The following NELL1 variants were observed in gnomAD, a reference collection of about 807,000 sequenced individuals.
The protein encoded by NELL1 is protein kinase C-binding protein NELL1.
Under a neutral mutation model 107.4 loss-of-function variants are expected in NELL1, and 76 were observed. The ratio of observed to expected loss-of-function variants is 0.71; its 90% CI spans 0.59 to 0.86. NELL1 has a LOEUF of 0.86. NELL1 is among the 40% of genes least tolerant of loss of function. NELL1 has a pLI of 0.00. For synonymous variants in NELL1, 353 were observed against 341.2 expected, an observed-to-expected ratio of 1.03 and a Z score of -0.38; for missense variants, 1,024 against 1,005.5, an observed-to-expected ratio of 1.02 and a Z score of -0.25.
chr11:20,971,858 A>C (rs528493500), intron 12 of NELL1, among the ~76,000 whole-genome samples: 1 of 152,344 alleles, frequency 6.6e-6, no homozygotes, highest in African/African-American at 2.4e-5. Flanking sequence ...TAAAAGAATG[A>C]GAGCATGTCC....
At chr11:21,211,912 G>C (rs1287097979) in intron 13 of NELL1, among the ~76,000 whole-genome samples, 2 of 152,040 alleles carry the variant, frequency 1.3e-5, no homozygotes, top group Admixed American at 1.3e-4. Flanking sequence ...TACAACCTCT[G>C]CCTCCTGGGT....
intron 12 of NELL1, among the ~76,000 whole-genome samples, chr11:20,972,022 C>T (rs4922693): frequency 0.31 from 41,108 of 132,960 alleles, 6,371 homozygotes; most frequent in East Asian, 0.54. Context: ...CTGGGGCCTG[C>T]TGGGGAGCGG....
intron 12 of NELL1, among the ~76,000 whole-genome samples, chr11:20,989,602 GA>G (rs1416786425): frequency 6.6e-6 from 1 of 152,154 alleles, no homozygotes; most frequent in African/African-American, 2.4e-5. Context: ...TATAAAGCAT[GA>G]AGCAGTTTTA....
At chr11:20,964,062 C>T (rs1851342605) in intron 12 of NELL1, among the ~76,000 whole-genome samples, 1 of 152,200 alleles carries the variant, frequency 6.6e-6, no homozygotes, top group Non-Finnish European at 1.5e-5. Flanking sequence ...ATACAATTCA[C>T]AGGAGGCTGT....
intron 2 of NELL1, among the ~76,000 whole-genome samples, chr11:20,712,857 C>G (rs927706941): frequency 6.6e-6 from 1 of 152,188 alleles, no homozygotes; most frequent in East Asian, 1.9e-4. Context: ...CTGTGGATAC[C>G]AGCACCTGCT....
intron 12 of NELL1, among the ~76,000 whole-genome samples, chr11:21,045,542 A>G (rs1349190984): frequency 1.3e-5 from 2 of 152,218 alleles, no homozygotes; most frequent in African/African-American, 4.8e-5. Context: ...CTGTATTAGC[A>G]TAATAGTTTA....
Position 20,770,076 on chromosome 11 carries a change from A to G in NELL1, c.185-13604A>G, listed in dbSNP as rs142535920. On this transcript the variant is annotated intron_variant, in intron 2 of 19. Coordinates refer to ENST00000357134, the MANE Select transcript of NELL1 (RefSeq NM_006157.5). The stretch of plus-strand genomic sequence containing the variant: ...ACACGCAAGAACCAAATTATTTGCA[A>G]CAATGATCAAAGACCAATTTTCCCC... Among the ~76,000 whole-genome samples, 209 of 152,320 alleles carry G rather than the reference A, an allele frequency of 1.4e-3. 1 individual carries two copies. The highest frequency in any genetic ancestry group is 4.7e-3 in the African/African-American group (196 of 41,568).
intron 15 of NELL1, among the ~76,000 whole-genome samples, chr11:21,431,352 A>T (rs1245846777): frequency 6.6e-6 from 1 of 152,072 alleles, no homozygotes; most frequent in African/African-American, 2.4e-5. Context: ...ATTTATTGTC[A>T]TTATTGTATA....
At chr11:21,030,194 A>G (rs1265563849) in intron 12 of NELL1, among the ~76,000 whole-genome samples, 8 of 152,198 alleles carry the variant, frequency 5.3e-5, no homozygotes. Context: ...CTTGTATGAG[A>G]AAATTGTTAC....
At chr11:21,018,276 T>C (rs1565017396) in intron 12 of NELL1, among the ~76,000 whole-genome samples, 1 of 152,122 alleles carries the variant, frequency 6.6e-6, no homozygotes, top group East Asian at 1.9e-4. Flanking sequence ...GAATGAATGA[T>C]CAAACACTTT....
chr11:21,033,480 A>G (rs958782625), intron 12 of NELL1, among the ~76,000 whole-genome samples: 5 of 152,100 alleles, frequency 3.3e-5, no homozygotes, highest in Admixed American at 3.3e-4. Flanking sequence ...AAATGAAAAC[A>G]TGTGGTATTT....
chr11:21,491,454 A>T (rs1407774517), intron 15 of NELL1, among the ~76,000 whole-genome samples: 1 of 152,106 alleles, frequency 6.6e-6, no homozygotes, highest in Non-Finnish European at 1.5e-5. Context: ...TTAAATAGGG[A>T]ATCCTTTCCC....
chr11:21,240,766 TGG>T (rs150046714), intron 14 of NELL1, among the ~76,000 whole-genome samples: 5 of 62,238 alleles, frequency 8.0e-5, no homozygotes, highest in Admixed American at 1.8e-4. Context: ...GCCTTTCTAG[TGG>T]GGGGGGGGAG....
chr11:21,107,956 C>G (rs1255917473), intron 12 of NELL1, among the ~76,000 whole-genome samples: 1 of 152,146 alleles, frequency 6.6e-6, no homozygotes, highest in Non-Finnish European at 1.5e-5. Context: ...CAACTATCCT[C>G]TTTGGAGTCA....
At chr11:20,755,556 G>GTTTTTTTTTTTTTTTTT (rs1188989442) in intron 2 of NELL1, among the ~76,000 whole-genome samples, 3 of 23,368 alleles carry the variant, frequency 1.3e-4, no homozygotes, top group African/African-American at 2.5e-4. Context: ...TTTTGTTTTT[G>GTTTTTTTTTTTTTTTTT]TTTTTGTTTT....
chr11:21,157,391 A>G (rs931312500), intron 13 of NELL1, among the ~76,000 whole-genome samples: 1 of 152,298 alleles, frequency 6.6e-6, no homozygotes, highest in African/African-American at 2.4e-5. Flanking sequence ...GCATATTACA[A>G]CAAGCATTGT....
At chr11:21,184,470 A>G (rs1856891777) in intron 13 of NELL1, among the ~76,000 whole-genome samples, 2 of 151,746 alleles carry the variant, frequency 1.3e-5, no homozygotes, top group African/African-American at 4.9e-5. Flanking sequence ...GGGTTTCGCA[A>G]TGTTGGCCAG....
chr11:20,865,340 C>T (rs986540123), intron 4 of NELL1, among the ~76,000 whole-genome samples: 9 of 152,298 alleles, frequency 5.9e-5, no homozygotes, highest in Admixed American at 5.9e-4. Flanking sequence ...CTAGGATTAA[C>T]CAAAATGTCA....
chr11:21,380,627 C>A (rs1345623436), intron 15 of NELL1, among the ~76,000 whole-genome samples: 1 of 152,022 alleles, frequency 6.6e-6, no homozygotes, highest in Non-Finnish European at 1.5e-5. Context: ...GGTTGACACA[C>A]AGTTCTTAGA....
Sources: gnomAD v4.1 joint callset for allele counts (sites outside exome capture counted in the v4.1 genomes callset) on GRCh38, gnomAD v4.1.1 for gene constraint, MANE v1.5 for transcripts, NCBI Gene and HGNC (gene_info 2026-07-23, HGNC 2026-07-21) for gene names.